Variants in STAT5B observed in about 807,000 individuals in gnomAD.
The protein encoded by STAT5B is transcription factor STAT5B.
A neutral mutation model predicts 107.8 loss-of-function variants in STAT5B; 21 were observed. The ratio of observed to expected loss-of-function variants is 0.19; its 90% CI spans 0.14 to 0.28. The LOEUF (loss-of-function observed/expected upper bound fraction) is 0.28. Ranked by LOEUF, STAT5B falls within the 10% of genes least tolerant of loss-of-function variation. The pLI is 1.00. For synonymous variants in STAT5B, 325 were observed against 401.7 expected, an observed-to-expected ratio of 0.81 and a Z score of 2.28; for missense variants, 565 against 1,008.2, an observed-to-expected ratio of 0.56 and a Z score of 5.95.
At chr17:42,202,920 A>C in intron 16 of STAT5B, 112 bp from the exon 17 acceptor site, 2 of 1,337,866 alleles carry the variant, frequency 1.5e-6, no homozygotes, top group Non-Finnish European at 1.1e-6. Flanking sequence ...AACTTATCTA[A>C]GGATATGACA....
intron 12 of STAT5B, among the ~76,000 whole-genome samples, chr17:42,213,445 G>A (rs929808072): frequency 2.0e-5 from 3 of 152,170 alleles, no homozygotes; most frequent in Non-Finnish European, 4.4e-5. Context: ...GGGCTCAAGA[G>A]ATCCGCTTGC....
chr17:42,212,299 T>C, intron 12 of STAT5B, 109 bp from the exon 13 acceptor site: 1 of 1,550,524 alleles, frequency 6.4e-7, no homozygotes, highest in South Asian at 1.2e-5. Context: ...CACATTTGTC[T>C]TGCAGGGCCT....
chr17:42,281,145 A>AC (rs1260672022), upstream of STAT5B, among the ~76,000 whole-genome samples: 1 of 151,820 alleles, frequency 6.6e-6, no homozygotes, highest in African/African-American at 2.4e-5. Context: ...AAAAAAAAAA[A>AC]CAAAAACAAA....
intron 11 of STAT5B, among the ~76,000 whole-genome samples, chr17:42,216,589 G>A (rs1435458352): frequency 6.6e-6 from 1 of 152,002 alleles, no homozygotes; most frequent in African/African-American, 2.4e-5. Context: ...CCAGCTCCAG[G>A]CTGGTCTGGA....
At chr17:42,226,625 T>C (rs2080274139) in intron 3 of STAT5B, among the ~76,000 whole-genome samples, 1 of 151,302 alleles carries the variant, frequency 6.6e-6, no homozygotes, top group Non-Finnish European at 1.5e-5. Context: ...CTGACCAACA[T>C]GGAGAAACCC....
chr17:42,260,444 T>C (rs1415752318), intron 1 of STAT5B, among the ~76,000 whole-genome samples: 2 of 152,272 alleles, frequency 1.3e-5, no homozygotes, highest in African/African-American at 4.8e-5. Flanking sequence ...GGTCTCACTC[T>C]GTTGCCCAGG....
intron 2 of STAT5B, among the ~76,000 whole-genome samples, 156 bp from the exon 3 acceptor site, chr17:42,227,841 CT>C (rs2080286827): frequency 6.6e-6 from 1 of 152,012 alleles, no homozygotes; most frequent in Admixed American, 6.6e-5. Flanking sequence ...GACTCAATGC[CT>C]ATGTTAATCT....
chr17:42,217,707 T>G lies in STAT5B; in HGVS notation c.1170-243A>C, dbSNP rs2080184447. The G allele has an allele frequency of 1.2e-5, 6 of 516,804 alleles. No individual in the cohort carries two copies. The South Asian group carries it at 1.2e-4, about 11-fold the overall frequency. The allele number at this position is 516,804 out of a possible 1,614,324, so 32.0% of individuals were successfully genotyped here. A position where few individuals can be genotyped will look rare whatever the true frequency, so the allele number is the denominator to read the frequency against. On this transcript the variant is annotated intron_variant, in intron 9 of 18. Coordinates refer to ENST00000293328, the MANE Select transcript of STAT5B (RefSeq NM_012448.4). The stretch of plus-strand genomic sequence containing the variant: ...AAGAGAACTTTTTTTTTTTTTTTTG[T>G]GACGGAGTTTTGCTCTTGTTGCCCA...
intron 1 of STAT5B, among the ~76,000 whole-genome samples, chr17:42,246,942 A>G (rs952914493): frequency 2.6e-5 from 4 of 152,204 alleles, no homozygotes; most frequent in Non-Finnish European, 4.4e-5. Context: ...GTTGGTTCCT[A>G]ACTTCGCTCC....
intron 1 of STAT5B, among the ~76,000 whole-genome samples, chr17:42,254,043 A>G (rs1278827258): frequency 6.6e-6 from 1 of 152,090 alleles, no homozygotes; most frequent in Non-Finnish European, 1.5e-5. Context: ...GATCTGCCCA[A>G]TGTAAATGAG....
chr17:42,223,264 C>CA (rs2080245334), intron 5 of STAT5B, 118 bp downstream of exon 5: 5 of 1,472,804 alleles, frequency 3.4e-6, no homozygotes, highest in Non-Finnish European at 4.7e-6. Context: ...CCCTGCTACT[C>CA]AGAGAAAGGT....
intron 1 of STAT5B, among the ~76,000 whole-genome samples, chr17:42,263,720 T>C (rs757150103): frequency 9.2e-5 from 14 of 152,000 alleles, no homozygotes; most frequent in Non-Finnish European, 1.6e-4. Context: ...AGAGATAGGG[T>C]CTTGCTATGT....
At position 42,199,868 on chromosome 17, in the gene STAT5B, T is replaced by A. The variant is rs1440528045; in HGVS notation, c.*1870A>T. 1 of 152,312 alleles carries A rather than the reference T, an allele frequency of 6.6e-6. No homozygotes were observed. Among genetic ancestry groups the A allele is most frequent in the Non-Finnish European group, 1.5e-5 (1 of 68,100 alleles). 9.4% of individuals were successfully genotyped at this position (152,312 alleles called of 1,614,324 possible). A position where few individuals can be genotyped will look rare whatever the true frequency, so the allele number is the denominator to read the frequency against. On this transcript the variant is annotated 3_prime_UTR_variant, in exon 19 of 19. Coordinates refer to ENST00000293328, the MANE Select transcript of STAT5B (RefSeq NM_012448.4). ...AGGGTTGCTGGAACAGAGAGCGAGG[T>A]CTCAGAGGCAGGTGCTGGTGAAGCA...
chr17:42,246,825 AC>A (rs1462347956), intron 1 of STAT5B, among the ~76,000 whole-genome samples: 10 of 152,250 alleles, frequency 6.6e-5, no homozygotes, highest in African/African-American at 2.4e-4. Context: ...CTAATCACAT[AC>A]CTGAACACAA....
chr17:42,265,917 T>C (rs1309293791), intron 1 of STAT5B, among the ~76,000 whole-genome samples: 1 of 152,170 alleles, frequency 6.6e-6, no homozygotes, highest in Admixed American at 6.5e-5. Flanking sequence ...TTGTTCATTT[T>C]CTATTATGGG....
intron 3 of STAT5B, 72 bp downstream of exon 3, chr17:42,227,457 G>T (rs2080283100): frequency 1.3e-6 from 2 of 1,595,794 alleles, no homozygotes; most frequent in Admixed American, 3.4e-5. Context: ...CTGAAGGAGA[G>T]AAAGAAAGTC....
chr17:42,263,016 A>G (rs2080630453), intron 1 of STAT5B, among the ~76,000 whole-genome samples: 1 of 22,914 alleles, frequency 4.4e-5, no homozygotes, highest in Non-Finnish European at 7.4e-5. Flanking sequence ...ATATATATAT[A>G]AAAAAACAAA....
Position 42,222,097 on chromosome 17 carries a change from C to T in STAT5B, c.550+1285G>A, listed in dbSNP as rs546173548. ...GTGGTGTGTGTGTGCTGTGTGTGTGCACTGTGTGTCTCTGTGTGCTGTGGG... is the reference window on the plus strand; with the variant it reads ...GTGGTGTGTGTGTGCTGTGTGTGTGTACTGTGTGTCTCTGTGTGCTGTGGG... On this transcript the variant is annotated intron_variant, in intron 5 of 18. Coordinates refer to ENST00000293328, the MANE Select transcript of STAT5B (RefSeq NM_012448.4). Among the ~76,000 whole-genome samples the T allele has an allele frequency of 2.5e-4, 27 of 109,588 alleles. 1 individual carries two copies. In the Admixed American group the frequency reaches 2.6e-3, roughly 11 times the overall value. 71.9% of individuals were successfully genotyped at this position (109,588 alleles called of 152,430 possible). A position where few individuals can be genotyped will look rare whatever the true frequency, so the allele number is the denominator to read the frequency against.
chr17:42,211,675 G>A (rs975042129), intron 13 of STAT5B, among the ~76,000 whole-genome samples: 6 of 152,008 alleles, frequency 3.9e-5, no homozygotes, highest in African/African-American at 1.5e-4. Context: ...GAGAGGCCCA[G>A]AGTTCGCATC....
Sources: allele counts gnomAD v4.1 joint callset (sites outside exome capture counted in the v4.1 genomes callset), GRCh38; gene constraint gnomAD v4.1.1; transcripts MANE v1.5; gene names NCBI Gene and HGNC (gene_info 2026-07-23, HGNC 2026-07-21).